PCDH9: variants seen among roughly 807,000 people sequenced by gnomAD.
PCDH9 encodes protocadherin-9.
In PCDH9, 24 loss-of-function variants were observed where a neutral mutation model predicts 70.6. The ratio of observed to expected loss-of-function variants is 0.34; its 90% CI spans 0.25 to 0.48. PCDH9 has a LOEUF of 0.48. Ranked by LOEUF, PCDH9 falls within the 20% of genes least tolerant of loss-of-function variation. The pLI, the probability that PCDH9 is intolerant of heterozygous loss-of-function variation, is 0.99. For synonymous variants in PCDH9, 562 were observed against 558.5 expected (o/e 1.01, Z -0.09); for missense variants, 1,281 against 1,503.6 (o/e 0.85, Z 2.45).
chr13:67,022,284 G>A (rs1380598075), intron 2 of PCDH9, among the ~76,000 whole-genome samples: 1 of 151,668 alleles, frequency 6.6e-6, no homozygotes, highest in African/African-American at 2.4e-5. Context: ...CACCACGCCT[G>A]GCTAATTTTG....
intron 4 of PCDH9, among the ~76,000 whole-genome samples, chr13:66,564,592 G>A (rs976193443): frequency 6.6e-6 from 1 of 151,844 alleles, no homozygotes. Context: ...AAAATCAACA[G>A]CCTTCTGAAA....
rs537374557 is a variant in PCDH9, at chr13:67,156,486, G to C, written c.3036+68919C>G. 4.2e-4 allele frequency among the ~76,000 whole-genome samples: 64 copies of C among 152,080 alleles called. 2 individuals are homozygous for C. The South Asian group carries it at 0.013, about 30-fold the overall frequency. On this transcript the variant is annotated intron_variant, in intron 2 of 4. Coordinates refer to ENST00000377865, the MANE Select transcript of PCDH9 (RefSeq NM_203487.3). ...CACTGTCCCGGTGGGAGTGGGATGA[G>C]GCGGAGTTTGGTGGGGGCAGTGGGA... is the stretch of plus-strand genomic sequence containing the variant.
intron 3 of PCDH9, among the ~76,000 whole-genome samples, chr13:66,898,506 C>G (rs1426200262): frequency 6.6e-6 from 1 of 151,910 alleles, no homozygotes; most frequent in Non-Finnish European, 1.5e-5. Flanking sequence ...ATTCTAAGGA[C>G]TGAACATATT....
intron 4 of PCDH9, among the ~76,000 whole-genome samples, chr13:66,408,698 A>G (rs1957323780): frequency 1.4e-5 from 2 of 145,336 alleles, no homozygotes; most frequent in South Asian, 4.5e-4. Context: ...GCTTTACCCC[A>G]CTCTCTCTTT....
intron 3 of PCDH9, among the ~76,000 whole-genome samples, chr13:66,728,582 A>G (rs2079034468): frequency 6.6e-6 from 1 of 151,994 alleles, no homozygotes; most frequent in Non-Finnish European, 1.5e-5. Flanking sequence ...TCTGCTGTTG[A>G]CCCTTATGCA....
At chr13:66,820,685 C>A (rs926843324) in intron 3 of PCDH9, among the ~76,000 whole-genome samples, 2 of 152,080 alleles carry the variant, frequency 1.3e-5, no homozygotes, top group South Asian at 2.1e-4. Context: ...AGAATGGGAT[C>A]ATTTCCTTTA....
chr13:66,616,059 A>G (rs373163889), intron 4 of PCDH9, among the ~76,000 whole-genome samples: 9 of 152,322 alleles, frequency 5.9e-5, no homozygotes, highest in South Asian at 2.1e-4. Context: ...TAGAAGCCCA[A>G]TGGTGAAACA....
chr13:66,522,725 C>A (rs1210124710), intron 4 of PCDH9, among the ~76,000 whole-genome samples: 1 of 151,760 alleles, frequency 6.6e-6, no homozygotes, highest in Non-Finnish European at 1.5e-5. Context: ...CAGCCACAAG[C>A]TAAAGGGCAT....
At chr13:66,322,602 T>G (rs1048203782) in intron 4 of PCDH9, among the ~76,000 whole-genome samples, 3 of 152,056 alleles carry the variant, frequency 2.0e-5, no homozygotes, top group Admixed American at 1.3e-4. Context: ...TCTGTTTATT[T>G]AACAGCATCC....
At chr13:66,780,256 G>T (rs2079976782) in intron 3 of PCDH9, among the ~76,000 whole-genome samples, 3 of 152,074 alleles carry the variant, frequency 2.0e-5, no homozygotes, top group African/African-American at 7.2e-5. Context: ...TAAAAGGAAA[G>T]TTTGTTGATG....
At chr13:66,850,486 G>A (rs1325088075) in intron 3 of PCDH9, among the ~76,000 whole-genome samples, 1 of 151,278 alleles carries the variant, frequency 6.6e-6, no homozygotes, top group Non-Finnish European at 1.5e-5. Flanking sequence ...ACTCCAGCCT[G>A]GGCAACAAGA....
chr13:66,745,379 C>CA (rs2139212131), intron 3 of PCDH9, among the ~76,000 whole-genome samples: 1 of 152,288 alleles, frequency 6.6e-6, no homozygotes, highest in African/African-American at 2.4e-5. Flanking sequence ...AGTGCCATCT[C>CA]AAAATGTGAC....
chr13:67,055,232 A>G (rs2085395502), intron 2 of PCDH9, among the ~76,000 whole-genome samples: 1 of 152,216 alleles, frequency 6.6e-6, no homozygotes, highest in Admixed American at 6.5e-5. Flanking sequence ...ATTTGTCAAA[A>G]CATTAAATAT....
At chr13:67,146,262 C>T (rs1387954027) in intron 2 of PCDH9, among the ~76,000 whole-genome samples, 4 of 152,090 alleles carry the variant, frequency 2.6e-5, no homozygotes, top group Non-Finnish European at 4.4e-5. Context: ...GATAATGAAG[C>T]TGCATGCTCA....
chr13:66,453,522 G>T (rs1958257243), intron 4 of PCDH9, among the ~76,000 whole-genome samples: 1 of 147,648 alleles, frequency 6.8e-6, no homozygotes, highest in South Asian at 2.1e-4. Context: ...CTTGTTCTTT[G>T]TTCCTCCAAG....
chr13:67,170,131 T>C (rs971040927), intron 2 of PCDH9, among the ~76,000 whole-genome samples: 3 of 152,236 alleles, frequency 2.0e-5, no homozygotes, highest in African/African-American at 7.2e-5. Flanking sequence ...GTATCAGTGC[T>C]ATAGCATTAT....
At chr13:66,564,646 CCT>C (rs1358780716) in intron 4 of PCDH9, among the ~76,000 whole-genome samples, 2 of 151,882 alleles carry the variant, frequency 1.3e-5, no homozygotes, top group Non-Finnish European at 2.9e-5. Context: ...GATTTTTCCC[CCT>C]TTCTTCTAGT....
At chr13:66,625,964 T>A (rs965363047) in intron 4 of PCDH9, among the ~76,000 whole-genome samples, 10 of 152,144 alleles carry the variant, frequency 6.6e-5, no homozygotes, top group Non-Finnish European at 1.3e-4. Context: ...GCACCTGGCC[T>A]ATATGTTGGC....
intron 2 of PCDH9, among the ~76,000 whole-genome samples, chr13:66,953,601 C>T: frequency 6.6e-6 from 1 of 152,144 alleles, no homozygotes; most frequent in East Asian, 1.9e-4. Context: ...TCCTGCTTTC[C>T]TGCCCTTTCC....
Sources: allele counts gnomAD v4.1 joint callset (sites outside exome capture counted in the v4.1 genomes callset), GRCh38; gene constraint gnomAD v4.1.1; transcripts MANE v1.5; gene names NCBI Gene and HGNC (gene_info 2026-07-23, HGNC 2026-07-21).